PKD2: variants seen among roughly 807,000 people sequenced by gnomAD.
PKD2 encodes polycystin 2, transient receptor potential cation channel.
In PKD2, 48 loss-of-function variants were observed where a neutral mutation model predicts 105.9. The observed-to-expected ratio is 0.45, with a 90% CI of 0.36 to 0.58. The LOEUF is 0.58. Among genes scored for constraint, PKD2 ranks in the 20% least tolerant of loss-of-function variants. The pLI, the probability that PKD2 is intolerant of heterozygous loss-of-function variation, is 0.00. For synonymous variants in PKD2, 464 were observed against 481.1 expected, an observed-to-expected ratio of 0.96 and a Z score of 0.46; for missense variants, 1,078 against 1,255.3, an observed-to-expected ratio of 0.86 and a Z score of 2.13.
intron 5 of PKD2, among the ~76,000 whole-genome samples, chr4:88,044,260 A>T (rs1336302266): frequency 6.6e-6 from 1 of 152,228 alleles, no homozygotes; most frequent in African/African-American, 2.4e-5. Flanking sequence ...AAAAAGAAAG[A>T]AAAAGCAGAG....
intron 7 of PKD2, among the ~76,000 whole-genome samples, chr4:88,055,588 C>T (rs1341404527): frequency 2.6e-5 from 4 of 151,644 alleles, no homozygotes; most frequent in African/African-American, 7.3e-5. Flanking sequence ...ATCCTCCTGC[C>T]TCAGTCTTCC....
chr4:88,074,273 G>A (rs556511576), intron 13 of PKD2, among the ~76,000 whole-genome samples: 2 of 152,080 alleles, frequency 1.3e-5, no homozygotes, highest in South Asian at 4.2e-4. Flanking sequence ...CCTCAGCCTC[G>A]CAAGTAGCTG....
At position 88,056,075 on chromosome 4, in the gene PKD2, C is replaced by G; in HGVS notation, c.1717-11C>G. ...ATCCATTCATCTATTGATGTCTTCT[C>G]TCTCTTACAGCTCTTCAAATTCATC... is the stretch of plus-strand genomic sequence containing the variant. On this transcript the variant is annotated splice_polypyrimidine_tract_variant and intron_variant, in intron 7 of 14. Transcript: ENST00000237596. 1 of 1,581,446 alleles carries G rather than the reference C, an allele frequency of 6.3e-7. No individual in the cohort carries two copies.
chr4:88,023,165 C>T (rs1287290793), intron 2 of PKD2, among the ~76,000 whole-genome samples: 2 of 152,072 alleles, frequency 1.3e-5, no homozygotes, highest in South Asian at 2.1e-4. Flanking sequence ...TTATTTGCCT[C>T]ATGGTTCTGC....
At chr4:88,049,868 A>G (rs1373900038) in intron 6 of PKD2, among the ~76,000 whole-genome samples, 1 of 152,090 alleles carries the variant, frequency 6.6e-6, no homozygotes, top group Non-Finnish European at 1.5e-5. Flanking sequence ...GTCCTGAGCA[A>G]TAGTCTTTCA....
chr4:88,063,635 A>G (rs1175683548), intron 10 of PKD2, among the ~76,000 whole-genome samples: 1 of 152,256 alleles, frequency 6.6e-6, no homozygotes, highest in Admixed American at 6.5e-5. Flanking sequence ...TAATGGATTT[A>G]TAGAAGAAAT....
intron 12 of PKD2, among the ~76,000 whole-genome samples, chr4:88,067,510 A>AT (rs1720840438): frequency 1.3e-5 from 2 of 152,026 alleles, no homozygotes; most frequent in African/African-American, 4.8e-5. Context: ...TTTTTAAAAA[A>AT]TTTTTTGTGG....
intron 11 of PKD2, 113 bp downstream of exon 11, chr4:88,065,608 TC>T (rs1231386619): frequency 2.2e-4 from 264 of 1,187,050 alleles, no homozygotes; most frequent in Non-Finnish European, 3.0e-4. Flanking sequence ...TTTTTTTTTT[TC>T]CAGAGGCAGG....
chr4:88,055,545 C>T (rs1720292284), intron 7 of PKD2, among the ~76,000 whole-genome samples: 1 of 151,768 alleles, frequency 6.6e-6, no homozygotes, highest in Non-Finnish European at 1.5e-5. Flanking sequence ...TGCCATATTG[C>T]CCAGGCTGAT....
intron 13 of PKD2, among the ~76,000 whole-genome samples, chr4:88,068,729 G>C (rs1051068180): frequency 1.4e-4 from 21 of 152,176 alleles, no homozygotes; most frequent in African/African-American, 5.1e-4. Flanking sequence ...TGCTGTTCAA[G>C]TGTTCTGTAG....
chr4:88,048,492 T>C (rs1727856714), intron 6 of PKD2, among the ~76,000 whole-genome samples: 1 of 152,134 alleles, frequency 6.6e-6, no homozygotes, highest in African/African-American at 2.4e-5. Flanking sequence ...ATTGTAATAG[T>C]AATAATAATA....
intron 6 of PKD2, among the ~76,000 whole-genome samples, chr4:88,050,468 A>G (rs547137219): frequency 2.6e-5 from 4 of 152,256 alleles, no homozygotes; most frequent in African/African-American, 9.6e-5. Flanking sequence ...GTAACAATGC[A>G]AATGCTCACA....
intron 10 of PKD2, among the ~76,000 whole-genome samples, chr4:88,063,155 G>A (rs892621872): frequency 2.0e-5 from 3 of 152,330 alleles, no homozygotes; most frequent in Middle Eastern, 3.4e-3. Context: ...ATTGGTCACT[G>A]AGCATCTGCT....
At chr4:88,017,568 C>T (rs1398116481) in intron 1 of PKD2, among the ~76,000 whole-genome samples, 2 of 152,114 alleles carry the variant, frequency 1.3e-5, no homozygotes, top group Non-Finnish European at 2.9e-5. Flanking sequence ...CGCCACCACA[C>T]CTGGCTAAGT....
chr4:88,017,288 TCATACATACATA>T (rs768391118), intron 1 of PKD2, among the ~76,000 whole-genome samples: 39 of 152,136 alleles, frequency 2.6e-4, no homozygotes, highest in African/African-American at 8.9e-4. Flanking sequence ...ATAAATAAAT[TCATACATACATA>T]CATACATACG....
chr4:88,017,723 A>C lies in PKD2; in HGVS notation c.596-1735A>C, dbSNP rs928699656. ...CTGCACCCAGCCTAGCTTGAAGAAA[A>C]TTTGATAGGAGTTTGTTTTTTTCTA... On this transcript the variant is annotated intron_variant, in intron 1 of 14. Coordinates refer to ENST00000237596, the MANE Select transcript of PKD2 (RefSeq NM_000297.4). Among the ~76,000 whole-genome samples, 6 of 152,166 alleles carry C rather than the reference A, an allele frequency of 3.9e-5. 1 individual carries two copies. The South Asian group carries it at 1.2e-3, about 31-fold the overall frequency.
At chr4:88,038,951 T>C (rs561385490) in intron 4 of PKD2, among the ~76,000 whole-genome samples, 1 of 152,204 alleles carries the variant, frequency 6.6e-6, no homozygotes, top group Non-Finnish European at 1.5e-5. Flanking sequence ...TTTTGTTAGG[T>C]TTAAAGCCCA....
At chr4:88,018,989 C>G (rs1726655667) in intron 1 of PKD2, among the ~76,000 whole-genome samples, 1 of 152,130 alleles carries the variant, frequency 6.6e-6, no homozygotes, top group African/African-American at 2.4e-5. Context: ...ACAAGGACTT[C>G]TTTTCATCAG....
At chr4:88,019,429 C>G (rs548122424) in intron 1 of PKD2, 29 bp from the exon 2 acceptor site, 2 of 1,111,788 alleles carry the variant, frequency 1.8e-6, no homozygotes, top group Non-Finnish European at 2.7e-6. Flanking sequence ...AAAATGATAT[C>G]TTTTCTTTTC....
Sources: gnomAD v4.1 joint callset for allele counts (sites outside exome capture counted in the v4.1 genomes callset) on GRCh38, gnomAD v4.1.1 for gene constraint, MANE v1.5 for transcripts, NCBI Gene and HGNC (gene_info 2026-07-23, HGNC 2026-07-21) for gene names.